TOGARAM1: variants seen among roughly 807,000 people sequenced by gnomAD.
TOGARAM1 encodes TOG array regulator of axonemal microtubules 1, also known as TOG array regulator of axonemal microtubules protein 1.
Under a neutral mutation model 166.6 loss-of-function variants are expected in TOGARAM1, and 100 were observed. The observed-to-expected ratio is 0.60, with a 90% CI of 0.51 to 0.71. The LOEUF (loss-of-function observed/expected upper bound fraction) is 0.71. Ranked by LOEUF, TOGARAM1 falls within the 30% of genes least tolerant of loss-of-function variation. TOGARAM1 has a pLI of 0.00. For synonymous variants in TOGARAM1, 758 were observed against 763.8 expected (o/e 0.99, Z 0.13); for missense variants, 2,029 against 2,102.7 (o/e 0.96, Z 0.69).
intron 12 of TOGARAM1, 141 bp downstream of exon 12, chr14:45,043,932 T>C (rs1881852142): frequency 5.2e-6 from 3 of 576,086 alleles, no homozygotes; most frequent in Non-Finnish European, 9.2e-6. Flanking sequence ...GTAGTCCATG[T>C]CTTAATTTGC....
intron 2 of TOGARAM1, among the ~76,000 whole-genome samples, chr14:44,998,575 G>A (rs1010420544): frequency 6.6e-6 from 1 of 152,194 alleles, no homozygotes; most frequent in Non-Finnish European, 1.5e-5. Context: ...CGAGGCTGCA[G>A]TGAGCCAAGT....
chr14:45,058,580 A>G (rs569988025), intron 16 of TOGARAM1, among the ~76,000 whole-genome samples: 24 of 152,304 alleles, frequency 1.6e-4, no homozygotes, highest in Admixed American at 1.5e-3. Flanking sequence ...GGCGTGAGCC[A>G]CCATGCCCAG....
At chr14:45,063,516 G>T (rs1034085191) in intron 16 of TOGARAM1, among the ~76,000 whole-genome samples, 8 of 126,814 alleles carry the variant, frequency 6.3e-5, no homozygotes, top group African/African-American at 2.6e-4. Context: ...ACAGAGTCTC[G>T]CACTGTCGCC....
At position 45,068,022 on chromosome 14, in the gene TOGARAM1, A is replaced by C. The variant is rs559192280; in HGVS notation, c.4750-402A>C. 1.6e-4 allele frequency among the ~76,000 whole-genome samples: 24 copies of C among 152,344 alleles called. No individual in the cohort carries two copies. In the South Asian group the frequency reaches 5.0e-3, roughly 32 times the overall value. On this transcript the variant is annotated intron_variant, in intron 17 of 19. Coordinates refer to ENST00000361462, the MANE Select transcript of TOGARAM1 (RefSeq NM_001308120.2). ...AGGTTAAATCTCCACAGTAAAACTT[A>C]CAAGTCTACTTCTAGTGTGAAAAGA...
intron 12 of TOGARAM1, 57 bp from the exon 13 acceptor site, chr14:45,044,578 T>C: frequency 8.1e-7 from 1 of 1,234,584 alleles, no homozygotes; most frequent in Non-Finnish European, 1.2e-6. Context: ...TCCAAGTTAT[T>C]ATTAGTGATT....
chr14:44,994,409 A>G (rs1291004884), intron 1 of TOGARAM1, among the ~76,000 whole-genome samples: 4 of 151,708 alleles, frequency 2.6e-5, no homozygotes, highest in African/African-American at 9.7e-5. Flanking sequence ...ATGAGCCATC[A>G]TGCCCAGCTG....
intron 11 of TOGARAM1, 141 bp from the exon 12 acceptor site, chr14:45,043,545 C>T: frequency 1.6e-6 from 1 of 622,904 alleles, no homozygotes; most frequent in South Asian, 2.0e-5. Flanking sequence ...CTGCTAAACT[C>T]AAAACTTTTC....
At position 44,963,515 on chromosome 14, in the gene TOGARAM1, A is replaced by G. The variant is rs774037502; in HGVS notation, c.1094A>G (p.Tyr365Cys). The G allele has an allele frequency of 2.5e-6, 4 of 1,614,120 alleles. No individual in the cohort carries two copies. Among genetic ancestry groups the G allele is most frequent in the South Asian group, 1.1e-5 (1 of 91,090 alleles). ...LHSRLLDQED[Y>C]KNRTQAVEEL... is the part of the protein sequence containing the mutation. ...TCACGATTATTGGATCAGGAAGACT[A>G]TAAGAACCGGACCCAGGCCGTCGAA... Residue 365 changes from tyrosine to cysteine, a missense_variant, in exon 1 of 20, where the codon TAT becomes TGT. Around this residue, in one of 2 missense-constraint regions of TOGARAM1, gnomAD observed 1,453 missense variants for 1,432.2 expected, o/e 1.01. Coordinates refer to ENST00000361462, the MANE Select transcript of TOGARAM1 (RefSeq NM_001308120.2).
intron 15 of TOGARAM1, among the ~76,000 whole-genome samples, chr14:45,052,856 G>A (rs1013359599): frequency 6.6e-6 from 1 of 152,108 alleles, no homozygotes; most frequent in African/African-American, 2.4e-5. Context: ...GTTAGCAACT[G>A]TGTAACTTAC....
At position 45,066,637 on chromosome 14, in the gene TOGARAM1, G is replaced by C; in HGVS notation, c.4619G>C (p.Ser1540Thr). Residue 1540 changes from serine (S) to threonine (T), a missense_variant, in exon 17 of 20, where the codon AGT becomes ACT. Ser to Thr is a moderately conservative substitution (Grantham distance 58, BLOSUM62 1). Around this residue, in one of 2 missense-constraint regions of TOGARAM1, gnomAD observed 576 missense variants for 670.5 expected, o/e 0.86. Transcript: ENST00000361462. The part of the protein sequence containing the change: ...RKSVPRNSLE[S>T]AEYLKLITGL... ...TCAGTCCCTCGTAATTCCTTAGAAA[G>C]TGCTGAGTACCTTAAACTCATAACT... The C allele has an allele frequency of 6.2e-7, 1 of 1,613,646 alleles. No homozygotes were observed. Among genetic ancestry groups the C allele is most frequent in the South Asian group, 1.1e-5 (1 of 91,018 alleles).
intron 3 of TOGARAM1, among the ~76,000 whole-genome samples, chr14:45,001,638 G>A (rs1366821316): frequency 1.3e-5 from 2 of 152,108 alleles, no homozygotes; most frequent in Non-Finnish European, 2.9e-5. Flanking sequence ...ATGTCTAATA[G>A]GTATATGAAA....
At chr14:45,002,345 GACTATCC>G (rs1193875603) in intron 3 of TOGARAM1, among the ~76,000 whole-genome samples, 1 of 152,084 alleles carries the variant, frequency 6.6e-6, no homozygotes, top group Non-Finnish European at 1.5e-5. Context: ...TGCCTTTGAG[GACTATCC>G]ACTCTTAGTG....
chr14:45,066,689 T>G lies in TOGARAM1; in HGVS notation c.4671T>G (p.Arg1557=). The G allele has an allele frequency of 1.9e-6, 3 of 1,613,958 alleles. No homozygotes were observed. Among genetic ancestry groups the G allele is most frequent in the Non-Finnish European group, 2.5e-6 (3 of 1,179,862 alleles). The part of the protein sequence containing the change: ...ITGLLNAKDF[R]DRINGIKQLL... The stretch of plus-strand genomic sequence containing the variant: ...GCTTATTAAATGCAAAAGACTTTCG[T>G]GATCGTATTAATGGGATTAAGCAGC... Residue 1557 remains arginine (R), a synonymous_variant, in exon 17 of 20, where the codon CGT becomes CGG. Transcript: ENST00000361462.
chr14:44,993,941 A>G (rs1011162267), intron 1 of TOGARAM1, among the ~76,000 whole-genome samples: 2 of 152,230 alleles, frequency 1.3e-5, no homozygotes, highest in African/African-American at 4.8e-5. Flanking sequence ...ATTACTCACT[A>G]TGTTAGCTGT....
rs562811291 is a variant in TOGARAM1 at position 45,011,785 on chromosome 14, A to G, written c.3138-190A>G. The G allele has an allele frequency of 2.0e-3, 827 of 414,672 alleles. 5 individuals carry two copies. Among genetic ancestry groups the G allele is most frequent in the African/African-American group, 0.011 (505 of 47,286 alleles). The allele number at this position is 414,672 out of a possible 1,614,324, so 25.7% of individuals were successfully genotyped here. On this transcript the variant is annotated intron_variant, in intron 6 of 19. Coordinates refer to ENST00000361462, the MANE Select transcript of TOGARAM1 (RefSeq NM_001308120.2). The stretch of plus-strand genomic sequence containing the variant: ...GTGAACTAAGAATAGCAAAATATAT[A>G]TGTGTGTGTGTGTGTGTGTGTGTGT...
In TOGARAM1 at chr14:45,046,569, G is replaced by A. The variant is rs766760566; in HGVS notation, c.4179G>A (p.Arg1393=). ...GCCATTTACACATTGCTGTAAGAAG[G>A]TGTACAGCCCAGCATTTATCAGATG... ...GQSHLHIAVR[R]CTAQHLSDVL... Residue 1393 remains arginine (R), a synonymous_variant, in exon 14 of 20, where the codon AGG becomes AGA. Transcript: ENST00000361462. The A allele has an allele frequency of 7.5e-7, 1 of 1,337,696 alleles. No individual in the cohort carries two copies. The allele number at this position is 1,337,696 out of a possible 1,614,324, so 82.9% of individuals were successfully genotyped here. A position where few individuals can be genotyped will look rare whatever the true frequency, so the allele number is the denominator to read the frequency against.
chr14:44,973,460 C>T (rs1426952246), intron 1 of TOGARAM1, among the ~76,000 whole-genome samples: 1 of 151,820 alleles, frequency 6.6e-6, no homozygotes, highest in African/African-American at 2.4e-5. Flanking sequence ...CACACATAAG[C>T]ATACATAATC....
At chr14:45,033,638 T>C (rs1881282108) in intron 11 of TOGARAM1, among the ~76,000 whole-genome samples, 1 of 152,206 alleles carries the variant, frequency 6.6e-6, no homozygotes, top group Non-Finnish European at 1.5e-5. Flanking sequence ...TAAACTCTGA[T>C]TTTTCATAAA....
intron 7 of TOGARAM1, among the ~76,000 whole-genome samples, chr14:45,019,604 T>G (rs1029169138): frequency 6.6e-6 from 1 of 152,210 alleles, no homozygotes; most frequent in Non-Finnish European, 1.5e-5. Context: ...TGTCCCCTCC[T>G]GCTGTGCTCT....
Sources: gnomAD v4.1 joint callset for allele counts (sites outside exome capture counted in the v4.1 genomes callset) on GRCh38, gnomAD v4.1.1 for gene constraint, gnomAD v4.1.1 regional missense constraint, MANE v1.5 for transcripts, NCBI Gene and HGNC (gene_info 2026-07-23, HGNC 2026-07-21) for gene names.